SLC44A5: variants seen among roughly 807,000 people sequenced by gnomAD.
SLC44A5 encodes solute carrier family 44 member 5.
Under a neutral mutation model 101.8 loss-of-function variants are expected in SLC44A5, and 57 were observed. The observed-to-expected ratio is 0.56, with a 90% CI of 0.45 to 0.70. The LOEUF (loss-of-function observed/expected upper bound fraction) is 0.70. Ranked by LOEUF, SLC44A5 falls within the 30% of genes least tolerant of loss-of-function variation. The probability of loss-of-function intolerance (pLI) is 0.00; values close to 1 mark genes in which losing one functional copy is unlikely to be tolerated. For synonymous variants in SLC44A5, 281 were observed against 290.9 expected (o/e 0.97, Z 0.35); for missense variants, 737 against 853.1 (o/e 0.86, Z 1.70).
intron 6 of SLC44A5, among the ~76,000 whole-genome samples, chr1:75,261,190 C>T (rs183538681): frequency 1.3e-5 from 2 of 151,994 alleles, no homozygotes; most frequent in East Asian, 3.9e-4. Context: ...AACGGAAGGG[C>T]ACAGAGACAC....
intron 1 of SLC44A5, among the ~76,000 whole-genome samples, chr1:75,544,898 G>T (rs1450707754): frequency 6.6e-6 from 1 of 152,016 alleles, no homozygotes; most frequent in African/African-American, 2.4e-5. Context: ...AAGTTCTGGG[G>T]TACATGTGCA....
intron 2 of SLC44A5, among the ~76,000 whole-genome samples, chr1:75,405,587 A>C (rs1407835125): frequency 6.6e-6 from 1 of 152,210 alleles, no homozygotes; most frequent in Non-Finnish European, 1.5e-5. Flanking sequence ...AAAACTGAAC[A>C]ACCTGCTCCT....
the SLC44A5 span, among the ~76,000 whole-genome samples, chr1:75,654,828 C>G: frequency 6.6e-6 from 1 of 152,088 alleles, no homozygotes; most frequent in African/African-American, 2.4e-5. Context: ...TATTAATACT[C>G]TTTCTCTTTC....
chr1:75,693,905 T>C, the SLC44A5 span, among the ~76,000 whole-genome samples: 2 of 151,588 alleles, frequency 1.3e-5, no homozygotes, highest in African/African-American at 4.8e-5. Flanking sequence ...TTTGATAGAG[T>C]TGTGGAGCAA....
the SLC44A5 span, chr1:75,641,387 T>C: frequency 1.1e-6 from 1 of 904,726 alleles, no homozygotes; most frequent in Non-Finnish European, 1.8e-6. Flanking sequence ...TTCATGTGTA[T>C]ATGAGCTTGA....
At chr1:75,664,929 G>GA in the SLC44A5 span, among the ~76,000 whole-genome samples, 55 of 130,230 alleles carry the variant, frequency 4.2e-4, no homozygotes, top group East Asian at 9.5e-3. Context: ...TCAAAAAAAA[G>GA]AAAAAAAAAA....
At chr1:75,224,509 A>T (rs1316457452) in intron 13 of SLC44A5, among the ~76,000 whole-genome samples, 1 of 152,178 alleles carries the variant, frequency 6.6e-6, no homozygotes, top group African/African-American at 2.4e-5. Context: ...CAAGATGTGG[A>T]GGTGGAAGAA....
At chr1:75,407,745 G>T (rs560883285) in intron 2 of SLC44A5, among the ~76,000 whole-genome samples, 1 of 152,020 alleles carries the variant, frequency 6.6e-6, no homozygotes, top group African/African-American at 2.4e-5. Flanking sequence ...TAATACCTAA[G>T]ACCATAAAAA....
At chr1:75,413,931 T>G (rs1366532100) in intron 2 of SLC44A5, among the ~76,000 whole-genome samples, 1 of 152,182 alleles carries the variant, frequency 6.6e-6, no homozygotes, top group Non-Finnish European at 1.5e-5. Context: ...TTGCTTTTCT[T>G]CCCTTGGCTG....
the SLC44A5 span, among the ~76,000 whole-genome samples, chr1:75,707,976 T>G: frequency 6.6e-6 from 1 of 152,220 alleles, no homozygotes; most frequent in Admixed American, 6.5e-5. Context: ...GTATGGTATT[T>G]GACATGTAGT....
intron 3 of SLC44A5, among the ~76,000 whole-genome samples, chr1:75,345,157 C>T (rs536399472): frequency 6.6e-6 from 1 of 152,170 alleles, no homozygotes; most frequent in South Asian, 2.1e-4. Flanking sequence ...AGTTAATAGA[C>T]TCCTAGAAGT....
At chr1:75,409,541 A>G (rs1346896598) in intron 2 of SLC44A5, among the ~76,000 whole-genome samples, 2 of 152,296 alleles carry the variant, frequency 1.3e-5, no homozygotes, top group Non-Finnish European at 2.9e-5. Context: ...GGGCCAGAAA[A>G]TGGCCCTACA....
At chr1:75,259,374 G>A (rs948479163) in intron 6 of SLC44A5, among the ~76,000 whole-genome samples, 1 of 152,024 alleles carries the variant, frequency 6.6e-6, no homozygotes, top group African/African-American at 2.4e-5. Flanking sequence ...CAAGAATTTC[G>A]CAAAGCATAC....
intron 2 of SLC44A5, among the ~76,000 whole-genome samples, chr1:75,514,866 A>G (rs908971860): frequency 1.3e-5 from 2 of 152,178 alleles, no homozygotes; most frequent in African/African-American, 4.8e-5. Flanking sequence ...ATCTTCTCTG[A>G]GTATCTGTCT....
intron 1 of SLC44A5, among the ~76,000 whole-genome samples, chr1:75,574,208 T>G (rs1321260041): frequency 6.6e-6 from 1 of 152,228 alleles, no homozygotes; most frequent in African/African-American, 2.4e-5. Context: ...TTCACTCATT[T>G]TCTGAGTTGC....
chr1:75,397,111 C>T lies in SLC44A5; in HGVS notation c.14-490G>A, dbSNP rs1662173144. Among the ~76,000 whole-genome samples the T allele has an allele frequency of 2.6e-5, 4 of 152,106 alleles. No individual in the cohort carries two copies. The South Asian group carries it at 6.2e-4, about 24-fold the overall frequency. ...GAGATATATTTTGAATTCAGCAGTC[C>T]CACCTTAATCACACTACGTGTGGCC... On this transcript the variant is annotated intron_variant, in intron 2 of 23. Transcript: ENST00000370859.
At chr1:75,566,384 CCAGTTCCAGCTG>C (rs1672786686) in intron 1 of SLC44A5, among the ~76,000 whole-genome samples, 2 of 152,148 alleles carry the variant, frequency 1.3e-5, no homozygotes, top group Non-Finnish European at 2.9e-5. Context: ...AAATAAAAGG[CCAGTTCCAGCTG>C]CAGTTAAAGC....
At chr1:75,275,770 A>T (rs537580052) in intron 5 of SLC44A5, among the ~76,000 whole-genome samples, 21 of 152,264 alleles carry the variant, frequency 1.4e-4, no homozygotes, top group African/African-American at 4.8e-4. Flanking sequence ...AACGTATATT[A>T]GGTCAATTAG....
chr1:75,682,821 C>T, the SLC44A5 span, among the ~76,000 whole-genome samples: 1 of 151,898 alleles, frequency 6.6e-6, no homozygotes, highest in Non-Finnish European at 1.5e-5. Flanking sequence ...AACAGGCAAC[C>T]TACAAAATGG....
Sources: allele counts gnomAD v4.1 joint callset (sites outside exome capture counted in the v4.1 genomes callset), GRCh38; gene constraint gnomAD v4.1.1; transcripts MANE v1.5; gene names NCBI Gene and HGNC (gene_info 2026-07-23, HGNC 2026-07-21).